The following STK32A variants were observed in gnomAD, a reference collection of about 807,000 sequenced individuals.
STK32A encodes the protein serine/threonine kinase 32A.
STK32A carries 41 observed loss-of-function variants against 53.2 expected under a neutral mutation model. That is an observed-to-expected ratio of 0.77 (90% CI 0.60 to 1.00). The LOEUF (loss-of-function observed/expected upper bound fraction) is 1.00. STK32A is among the 50% of genes least tolerant of loss of function. STK32A has a pLI of 0.00. For synonymous variants in STK32A, 166 were observed against 162.8 expected (o/e 1.02, Z -0.15); for missense variants, 458 against 485.8 (o/e 0.94, Z 0.54).
At chr5:147,355,162 A>T (rs1318968672) in intron 7 of STK32A, among the ~76,000 whole-genome samples, 1 of 152,242 alleles carries the variant, frequency 6.6e-6, no homozygotes, top group African/African-American at 2.4e-5. Context: ...ATATTCATCT[A>T]CTAATACAAG....
intron 4 of STK32A, among the ~76,000 whole-genome samples, chr5:147,302,507 A>G (rs1416827352): frequency 6.6e-6 from 1 of 152,234 alleles, no homozygotes; most frequent in Non-Finnish European, 1.5e-5. Context: ...TGATTAGTCA[A>G]AGTGGTCTTT....
intron 2 of STK32A, among the ~76,000 whole-genome samples, chr5:147,261,439 T>C (rs1754567064): frequency 1.3e-5 from 2 of 152,030 alleles, no homozygotes; most frequent in African/African-American, 2.4e-5. Flanking sequence ...CTAATTCTGA[T>C]TGGCTAATTT....
In STK32A at chr5:147,384,489, G is replaced by C. The variant is rs1483456611; in HGVS notation, c.*506G>C. On this transcript the variant is annotated 3_prime_UTR_variant, in exon 13 of 13. Coordinates refer to ENST00000397936, the MANE Select transcript of STK32A (RefSeq NM_001112724.2). ...GATAAAGATAAGGAATTCTATCAGGGAGGCATGAATGGAATCAGATTAAAA... is the reference window on the plus strand; with the variant it reads ...GATAAAGATAAGGAATTCTATCAGGCAGGCATGAATGGAATCAGATTAAAA... The C allele has an allele frequency of 4.2e-6, 6 of 1,420,162 alleles. No homozygotes were observed. The highest frequency in any genetic ancestry group is 4.0e-5 in the Admixed American group (2 of 49,660). 88.0% of individuals were successfully genotyped at this position (1,420,162 alleles called of 1,614,324 possible).
intron 5 of STK32A, among the ~76,000 whole-genome samples, chr5:147,335,410 A>T (rs1193402628): frequency 6.6e-6 from 1 of 152,158 alleles, no homozygotes; most frequent in East Asian, 1.9e-4. Context: ...TCAACAATTC[A>T]GCAGTATCAC....
chr5:147,276,820 T>A, intron 2 of STK32A, among the ~76,000 whole-genome samples: 1 of 152,218 alleles, frequency 6.6e-6, no homozygotes, highest in Non-Finnish European at 1.5e-5. Flanking sequence ...GGTGTTTTCT[T>A]CTGATCTAGG....
chr5:147,317,516 C>A (rs577062243), intron 4 of STK32A, among the ~76,000 whole-genome samples: 1 of 151,692 alleles, frequency 6.6e-6, no homozygotes, highest in African/African-American at 2.4e-5. Flanking sequence ...TTAGTAGAGA[C>A]GGGTTTCACC....
At chr5:147,336,607 T>C (rs1038761586) in intron 5 of STK32A, among the ~76,000 whole-genome samples, 23 of 152,212 alleles carry the variant, frequency 1.5e-4, no homozygotes, top group Non-Finnish European at 2.9e-4. Flanking sequence ...CAAGATTACA[T>C]AATGAGTGAC....
At chr5:147,320,080 CTA>C (rs762052887) in intron 4 of STK32A, among the ~76,000 whole-genome samples, 1 of 152,124 alleles carries the variant, frequency 6.6e-6, no homozygotes, top group Non-Finnish European at 1.5e-5. Flanking sequence ...AGCATTTATC[CTA>C]TGTTATTCAA....
chr5:147,314,205 A>G (rs1753844701), intron 4 of STK32A, among the ~76,000 whole-genome samples: 1 of 152,166 alleles, frequency 6.6e-6, no homozygotes, highest in Admixed American at 6.5e-5. Flanking sequence ...TGCATTTACA[A>G]TATACAAAGG....
At chr5:147,397,893 G>GGAGAAACAC in the STK32A span, 1 of 1,511,408 alleles carries the variant, frequency 6.6e-7, no homozygotes, top group Non-Finnish European at 8.9e-7. Flanking sequence ...TAGAGAAAGA[G>GGAGAAACAC]GAACGTACCT....
At position 147,239,663 on chromosome 5, in the gene STK32A, C is replaced by A; in HGVS notation, c.29C>A (p.Pro10Gln). MGANTSRKPPVFDENEDVNF... is the reference protein window; with the variant it reads MGANTSRKPQVFDENEDVNF... ...GGAGCGAACACTTCAAGAAAACCACCAGTGTTTGATGAAAATGAAGATGGT... is the reference window on the plus strand; with the variant it reads ...GGAGCGAACACTTCAAGAAAACCACAAGTGTTTGATGAAAATGAAGATGGT... The change falls in exon 2 of 13, where the codon CCA (proline) becomes CAA (glutamine). Residue 10 changes from proline (P) to glutamine (Q), a missense_variant. Pro to Gln is a moderately conservative substitution (Grantham distance 76). Coordinates refer to ENST00000397936, the MANE Select transcript of STK32A (RefSeq NM_001112724.2). 1 of 1,608,750 alleles carries A rather than the reference C, an allele frequency of 6.2e-7. No homozygotes were observed. Among genetic ancestry groups the A allele is most frequent in the Admixed American group, 1.7e-5 (1 of 59,412 alleles).
intron 11 of STK32A, 157 bp from the exon 12 acceptor site, chr5:147,383,284 C>T (rs1471347096): frequency 1.6e-5 from 11 of 667,014 alleles, no homozygotes; most frequent in South Asian, 5.7e-5. Context: ...GCCAGCTTCC[C>T]GGAATCTTCT....
chr5:147,398,336 A>G, the STK32A span, among the ~76,000 whole-genome samples: 1 of 152,210 alleles, frequency 6.6e-6, no homozygotes. Context: ...AATTAAGAAC[A>G]TCAGTTTAGA....
intron 5 of STK32A, among the ~76,000 whole-genome samples, chr5:147,328,920 A>C (rs772057562): frequency 2.0e-5 from 3 of 152,170 alleles, no homozygotes; most frequent in Non-Finnish European, 4.4e-5. Context: ...ATAGTAAGTC[A>C]TTTTGGGTCA....
intron 8 of STK32A, among the ~76,000 whole-genome samples, chr5:147,363,350 A>G (rs574408425): frequency 1.3e-5 from 2 of 151,606 alleles, no homozygotes; most frequent in South Asian, 2.1e-4. Context: ...AATCACTCTC[A>G]TGGCTGGGGA....
intron 5 of STK32A, among the ~76,000 whole-genome samples, chr5:147,327,743 G>C (rs1361180808): frequency 6.6e-6 from 1 of 152,140 alleles, no homozygotes; most frequent in Non-Finnish European, 1.5e-5. Context: ...AAAATTACTT[G>C]CCCAAGTTTG....
intron 2 of STK32A, among the ~76,000 whole-genome samples, chr5:147,271,240 A>G (rs1445834218): frequency 1.3e-5 from 2 of 152,188 alleles, no homozygotes; most frequent in East Asian, 1.9e-4. Flanking sequence ...CTTTACTGCA[A>G]TCTCTGAACA....
At chr5:147,396,745 G>T in the STK32A span, among the ~76,000 whole-genome samples, 6 of 152,084 alleles carry the variant, frequency 3.9e-5, 1 homozygote, top group South Asian at 1.2e-3. Flanking sequence ...CAATATTGGG[G>T]AAGTCTCCTT....
At chr5:147,279,442 T>C in intron 4 of STK32A, 44 bp downstream of exon 4, 1 of 1,534,552 alleles carries the variant, frequency 6.5e-7, no homozygotes, top group Non-Finnish European at 8.8e-7. Flanking sequence ...ACTCCTGTTA[T>C]CGGTGGGCTA....
Sources: gnomAD v4.1 joint callset for allele counts (sites outside exome capture counted in the v4.1 genomes callset) on GRCh38, gnomAD v4.1.1 for gene constraint, MANE v1.5 for transcripts, NCBI Gene and HGNC (gene_info 2026-07-23, HGNC 2026-07-21) for gene names.